The following MOB3B variants were observed in gnomAD, a reference collection of about 807,000 sequenced individuals.
MOB3B encodes the protein MOB kinase activator 3B, also known as MOB kinase activator-like 2B.
A neutral mutation model predicts 18.7 loss-of-function variants in MOB3B; 7 were observed. The ratio of observed to expected loss-of-function variants is 0.37; its 90% CI spans 0.21 to 0.70. MOB3B has a LOEUF of 0.70. Among genes scored for constraint, MOB3B ranks in the 30% least tolerant of loss-of-function variants. MOB3B has a pLI of 0.52. For synonymous variants in MOB3B, 111 were observed against 99.9 expected (o/e 1.11, Z -0.66); for missense variants, 253 against 281.3 (o/e 0.90, Z 0.72).
chr9:27,418,222 A>C (rs1822185394), intron 2 of MOB3B, among the ~76,000 whole-genome samples: 1 of 152,114 alleles, frequency 6.6e-6, no homozygotes, highest in African/African-American at 2.4e-5. Context: ...ACAAATGTCC[A>C]GGACCAGACA....
chr9:27,391,768 G>A (rs1587176760), intron 2 of MOB3B: 2 of 152,184 alleles, frequency 1.3e-5, no homozygotes, highest in Admixed American at 1.3e-4. Context: ...GGTATCATAT[G>A]TTCAGTTAAG....
At chr9:27,412,738 G>A (rs1030513192) in intron 2 of MOB3B, among the ~76,000 whole-genome samples, 1 of 152,202 alleles carries the variant, frequency 6.6e-6, no homozygotes, top group Non-Finnish European at 1.5e-5. Flanking sequence ...AAATGAAGGC[G>A]ACTCCAGCCT....
At chr9:27,444,316 A>AAAGG (rs1167636278) in intron 2 of MOB3B, among the ~76,000 whole-genome samples, 1 of 65,938 alleles carries the variant, frequency 1.5e-5, no homozygotes, top group Non-Finnish European at 3.1e-5. Flanking sequence ...AGGAAGGAAG[A>AAAGG]AAGGAAGGAA....
chr9:27,439,944 G>A (rs1822568530), intron 2 of MOB3B, among the ~76,000 whole-genome samples: 3 of 152,102 alleles, frequency 2.0e-5, no homozygotes, highest in Admixed American at 6.5e-5. Flanking sequence ...GGGTGGGCCC[G>A]GTGGTGGGGG....
chr9:27,487,763 A>C (rs1391526929), intron 1 of MOB3B, among the ~76,000 whole-genome samples: 1 of 152,092 alleles, frequency 6.6e-6, no homozygotes, highest in African/African-American at 2.4e-5. Flanking sequence ...AACTATTTCC[A>C]TAGATTCTTC....
At chr9:27,486,581 C>T (rs1177016012) in intron 1 of MOB3B, among the ~76,000 whole-genome samples, 15 of 152,106 alleles carry the variant, frequency 9.9e-5, no homozygotes, top group Admixed American at 8.5e-4. Flanking sequence ...GTTTCATATT[C>T]GATTAAAACT....
intron 1 of MOB3B, among the ~76,000 whole-genome samples, chr9:27,498,775 G>A (rs1263949194): frequency 1.3e-5 from 2 of 152,220 alleles, no homozygotes; most frequent in African/African-American, 4.8e-5. Flanking sequence ...GCTATGTAGA[G>A]ATAAAGACCT....
chr9:27,523,840 C>T (rs2131509783), intron 1 of MOB3B, among the ~76,000 whole-genome samples: 1 of 152,286 alleles, frequency 6.6e-6, no homozygotes, highest in Non-Finnish European at 1.5e-5. Flanking sequence ...TAATCACAGT[C>T]ATTTGGTCAA....
chr9:27,478,810 G>GACACACACACAC (rs34976107), intron 1 of MOB3B, among the ~76,000 whole-genome samples: 19 of 141,412 alleles, frequency 1.3e-4, no homozygotes, highest in South Asian at 2.4e-4. Context: ...GGATTAAAAA[G>GACACACACACAC]ACACACACAC....
rs551970373 is a variant in MOB3B at position 27,378,524 on chromosome 9, A to G, written c.419-19288T>C. The G allele has an allele frequency of 6.2e-5, 29 of 471,000 alleles. 1 individual carries two copies. The highest frequency in any genetic ancestry group is 4.5e-4 in the South Asian group (29 of 64,550). The allele number at this position is 471,000 out of a possible 1,614,324, so 29.2% of individuals were successfully genotyped here. A position where few individuals can be genotyped will look rare whatever the true frequency, so the allele number is the denominator to read the frequency against. On this transcript the variant is annotated intron_variant, in intron 2 of 3. Transcript: ENST00000262244. ...AGGGTTTAGTCCCAGAACTATTGGA[A>G]CCAGGGGGCAGCTTGGCCAAAGGAC...
intron 2 of MOB3B, among the ~76,000 whole-genome samples, chr9:27,451,250 G>A (rs185255677): frequency 1.3e-5 from 2 of 152,262 alleles, no homozygotes; most frequent in Admixed American, 1.3e-4. Flanking sequence ...TGGCTGTGAT[G>A]TCTAAAAATG....
intron 1 of MOB3B, among the ~76,000 whole-genome samples, chr9:27,503,730 T>C (rs764010431): frequency 2.6e-4 from 39 of 152,216 alleles, no homozygotes; most frequent in Admixed American, 8.5e-4. Context: ...TTCTCCCAGT[T>C]GGGAGTGTTA....
At chr9:27,499,761 T>TC (rs1355971207) in intron 1 of MOB3B, among the ~76,000 whole-genome samples, 1 of 152,204 alleles carries the variant, frequency 6.6e-6, no homozygotes, top group Non-Finnish European at 1.5e-5. Flanking sequence ...GGTTTTTTTT[T>TC]CTGCACTAGT....
intron 1 of MOB3B, among the ~76,000 whole-genome samples, chr9:27,519,379 T>C (rs1820291021): frequency 6.6e-6 from 1 of 152,212 alleles, no homozygotes; most frequent in African/African-American, 2.4e-5. Flanking sequence ...AATGATATCC[T>C]ATATACAGTC....
At chr9:27,481,887 A>G (rs1314727725) in intron 1 of MOB3B, among the ~76,000 whole-genome samples, 1 of 152,250 alleles carries the variant, frequency 6.6e-6, no homozygotes, top group African/African-American at 2.4e-5. Flanking sequence ...CACATATGTT[A>G]ACTTTCAAAA....
chr9:27,359,380 G>GC (rs1168804233), intron 2 of MOB3B, 144 bp from the exon 3 acceptor site: 26 of 461,718 alleles, frequency 5.6e-5, no homozygotes, highest in South Asian at 2.6e-4. Flanking sequence ...TGTGTGTGTG[G>GC]GGGGGGGGGG....
intron 2 of MOB3B, among the ~76,000 whole-genome samples, chr9:27,427,394 C>T (rs1822349616): frequency 2.0e-5 from 3 of 152,210 alleles, no homozygotes; most frequent in Non-Finnish European, 4.4e-5. Flanking sequence ...TGGCTAACGT[C>T]AAACATTCTT....
chr9:27,340,761 A>G (rs1364328959), intron 3 of MOB3B, among the ~76,000 whole-genome samples: 2 of 152,112 alleles, frequency 1.3e-5, no homozygotes, highest in Admixed American at 1.3e-4. Context: ...TTCTGCTCAA[A>G]GCGACACTGA....
intron 3 of MOB3B, among the ~76,000 whole-genome samples, chr9:27,342,031 T>C (rs1238884428): frequency 1.3e-5 from 2 of 152,234 alleles, no homozygotes; most frequent in Non-Finnish European, 2.9e-5. Context: ...AATTCAAATT[T>C]CCATGTCCAT....
Sources: gnomAD v4.1 joint callset for allele counts (sites outside exome capture counted in the v4.1 genomes callset) on GRCh38, gnomAD v4.1.1 for gene constraint, MANE v1.5 for transcripts, NCBI Gene and HGNC (gene_info 2026-07-23, HGNC 2026-07-21) for gene names.